The following GLYCTK variants were observed in gnomAD, a reference collection of about 807,000 sequenced individuals.
GLYCTK encodes HBeAg binding protein 4.
A neutral mutation model predicts 24.8 loss-of-function variants in GLYCTK; 22 were observed. That is an observed-to-expected ratio of 0.89 (90% CI 0.63 to 1.27). The LOEUF is 1.27. Ranked by LOEUF, GLYCTK falls within the 50% of genes most tolerant of loss-of-function variation. The probability of loss-of-function intolerance (pLI) is 0.00; values close to 1 mark genes in which losing one functional copy is unlikely to be tolerated. For missense variants in GLYCTK, 684 were observed against 686.7 expected, an observed-to-expected ratio of 1.00 and a Z score of 0.04; for synonymous variants, 320 against 297.2, an observed-to-expected ratio of 1.08 and a Z score of -0.79.
chr3:52,291,950 CT>C, intron 4 of GLYCTK, 28 bp downstream of exon 4: 1 of 1,604,278 alleles, frequency 6.2e-7, no homozygotes, highest in African/African-American at 1.3e-5. Context: ...CCCAGGCAAC[CT>C]TGGGTTGGTG....
Position 52,293,770 on chromosome 3 carries a change from C to T in GLYCTK, c.*644C>T, listed in dbSNP as rs1247055527. The stretch of plus-strand genomic sequence containing the variant: ...CAGCCACCCACCCACCCAACCATGA[C>T]TCCACCATGGCACTGTCACCATGGC... On this transcript the variant is annotated 3_prime_UTR_variant, in exon 5 of 5. Transcript: ENST00000436784. The T allele has an allele frequency of 2.2e-6, 1 of 453,568 alleles. No individual in the cohort carries two copies. The highest frequency in any genetic ancestry group is 2.0e-5 in the African/African-American group (1 of 50,018). The allele number at this position is 453,568 out of a possible 1,614,324, so 28.1% of individuals were successfully genotyped here. A position where few individuals can be genotyped will look rare whatever the true frequency, so the allele number is the denominator to read the frequency against.
intron 3 of GLYCTK, chr3:52,291,511 G>T: frequency 1.7e-6 from 1 of 590,378 alleles, no homozygotes; most frequent in South Asian, 2.1e-5. Flanking sequence ...TCCTGTTCTA[G>T]TCTCTTAAGG....
In GLYCTK at chr3:52,292,496, G is replaced by A; in HGVS notation, c.942G>A (p.Leu314=). ...VLNVIIGSNV[L]ALAEAQRQAE... is the part of the protein sequence containing the mutation. ...ATGTGATCATTGGCTCTAATGTGCT[G>A]GCGCTAGCTGAGGCCCAGCGGCAGG... The change falls in exon 5 of 5, where the codon CTG becomes CTA. Residue 314 remains leucine, a synonymous_variant. Transcript: ENST00000436784. 6.2e-7 allele frequency: 1 copy of A among 1,613,588 alleles called. No homozygotes were observed. The highest frequency in any genetic ancestry group is 8.5e-7 in the Non-Finnish European group (1 of 1,179,954).
At chr3:52,291,969 GC>G in intron 4 of GLYCTK, 47 bp downstream of exon 4, 1 of 1,552,850 alleles carries the variant, frequency 6.4e-7, no homozygotes, top group Non-Finnish European at 8.8e-7. Flanking sequence ...GTGGAGCCAG[GC>G]CCACATGTGC....
chr3:52,293,339 C>G lies in GLYCTK; in HGVS notation c.*213C>G. 1.4e-6 allele frequency: 1 copy of G among 705,470 alleles called. No homozygotes were observed. Among genetic ancestry groups the G allele is most frequent in the Non-Finnish European group, 2.6e-6 (1 of 389,424 alleles). The allele number at this position is 705,470 out of a possible 1,614,324, so 43.7% of individuals were successfully genotyped here. On this transcript the variant is annotated 3_prime_UTR_variant, in exon 5 of 5. Coordinates refer to ENST00000436784, the MANE Select transcript of GLYCTK (RefSeq NM_145262.4). ...GGCAGATGGGGGCTTCCCCCTACCC[C>G]TGAGGATGAGGACAAGCCCCTCGGC...
rs141134787 is a variant in GLYCTK, at chr3:52,291,841, C to A, written c.624C>A (p.Thr208=). 5.8e-5 allele frequency: 93 copies of A among 1,613,826 alleles called. No individual in the cohort carries two copies. The highest frequency in any genetic ancestry group is 2.0e-4 in the Admixed American group (12 of 60,008). ...LTRLLAARGA[T]IQELNTIRKA... ...GACTGCTGGCAGCCCGTGGAGCCAC[C>A]ATCCAGGAGTTGAACACCATTCGGA... The change falls in exon 4 of 5, where the codon ACC becomes ACA. Residue 208 remains threonine (T), a synonymous_variant. Coordinates refer to ENST00000436784, the MANE Select transcript of GLYCTK (RefSeq NM_145262.4).
In GLYCTK at chr3:52,292,412, T is replaced by A; in HGVS notation, c.858T>A (p.Thr286=). The part of the protein sequence containing the change: ...LRAALPRSVK[T]VLSRADSDPH... ...CAGCCCTGCCACGTTCTGTGAAGAC[T>A]GTGCTGTCTCGGGCCGACTCTGACC... The change falls in exon 5 of 5, where the codon ACT becomes ACA. Residue 286 remains threonine (T), a synonymous_variant. Coordinates refer to ENST00000436784, the MANE Select transcript of GLYCTK (RefSeq NM_145262.4). 1 of 1,613,778 alleles carries A rather than the reference T, an allele frequency of 6.2e-7. No individual in the cohort carries two copies. Among genetic ancestry groups the A allele is most frequent in the Non-Finnish European group, 8.5e-7 (1 of 1,179,968 alleles).
Position 52,292,488 on chromosome 3 carries a change from A to G in GLYCTK, c.934A>G (p.Asn312Asp). Residue 312 changes from asparagine (N) to aspartate (D), a missense_variant, in exon 5 of 5, where the codon AAT becomes GAT. Asn to Asp is a conservative substitution (Grantham distance 23). Coordinates refer to ENST00000436784, the MANE Select transcript of GLYCTK (RefSeq NM_145262.4). The part of the protein sequence containing the change: ...GHVLNVIIGS[N>D]VLALAEAQRQ... The stretch of plus-strand genomic sequence containing the variant: ...TGTCCTGAATGTGATCATTGGCTCT[A>G]ATGTGCTGGCGCTAGCTGAGGCCCA... 3 of 1,613,388 alleles carry G rather than the reference A, an allele frequency of 1.9e-6. No homozygotes were observed. The highest frequency in any genetic ancestry group is 1.1e-5 in the South Asian group (1 of 91,064).
rs778046705 is a variant in GLYCTK at position 52,295,137 on chromosome 3, C to G, written c.*2011C>G. Reference sequence around the variant, plus strand: ...CGTTAGATTTGCTCACTGGATACCCCAGAGATAAGAAAGGATGTATTTGGC... The same window carrying G: ...CGTTAGATTTGCTCACTGGATACCCGAGAGATAAGAAAGGATGTATTTGGC... On this transcript the variant is annotated 3_prime_UTR_variant, in exon 5 of 5. Coordinates refer to ENST00000436784, the MANE Select transcript of GLYCTK (RefSeq NM_145262.4). The G allele has an allele frequency of 2.2e-6, 1 of 454,094 alleles. No individual in the cohort carries two copies. Among genetic ancestry groups the G allele is most frequent in the South Asian group, 1.6e-5 (1 of 64,478 alleles). 28.1% of individuals were successfully genotyped at this position (454,094 alleles called of 1,614,324 possible).
rs1460560663 is a variant in GLYCTK, at chr3:52,290,432, C to A, written c.90C>A (p.Ser30Arg). The change falls in exon 2 of 5, where the codon AGC becomes AGA. Residue 30 changes from serine (S) to arginine (R), a missense_variant. Transcript: ENST00000436784. ...LWRGSVARLA[S>R]SMALAEQARQ... Reference sequence around the variant, plus strand: ...GGGGCTCAGTGGCCCGTCTGGCCAGCAGCATGGCCTTGGCAGAGCAGGCCA... The same window carrying A: ...GGGGCTCAGTGGCCCGTCTGGCCAGAAGCATGGCCTTGGCAGAGCAGGCCA... 6.2e-7 allele frequency: 1 copy of A among 1,611,708 alleles called. No individual in the cohort carries two copies. The highest frequency in any genetic ancestry group is 8.5e-7 in the Non-Finnish European group (1 of 1,179,998).
intron 1 of GLYCTK, chr3:52,290,065 C>T (rs1434636224): frequency 7.6e-6 from 4 of 528,746 alleles, no homozygotes; most frequent in Non-Finnish European, 1.3e-5. Flanking sequence ...GCAGAGTATC[C>T]AGAGGGCCGG....
chr3:52,290,041 A>C, intron 1 of GLYCTK: 1 of 478,504 alleles, frequency 2.1e-6, no homozygotes, highest in Non-Finnish European at 3.7e-6. Flanking sequence ...GCTAATAGGA[A>C]CTTTGGACTT....
intron 1 of GLYCTK, chr3:52,289,181 C>T (rs542360425): frequency 6.6e-6 from 1 of 152,344 alleles, no homozygotes; most frequent in South Asian, 2.1e-4. Flanking sequence ...GCCTCCTTAC[C>T]CTGCTCAGTC....
At position 52,290,553 on chromosome 3, in the gene GLYCTK, C is replaced by G; in HGVS notation, c.211C>G (p.Arg71Gly). Residue 71 changes from arginine (R) to glycine (G), a missense_variant, in exon 2 of 5, where the codon CGG becomes GGG. Transcript: ENST00000436784. ...CCCTGGTGGCAGACAGCTGAAGGTG[C>G]GGGACCGGAACTTTCAGCTGAGGCA... is the stretch of plus-strand genomic sequence containing the variant. ...LDPGGRQLKVRDRNFQLRQNL... is the reference protein window; with the variant it reads ...LDPGGRQLKVGDRNFQLRQNL... 1.9e-6 allele frequency: 3 copies of G among 1,613,694 alleles called. No individual in the cohort carries two copies. The highest frequency in any genetic ancestry group is 2.5e-6 in the Non-Finnish European group (3 of 1,180,020).
At position 52,293,515 on chromosome 3, in the gene GLYCTK, G is replaced by A. The variant is rs543900764; in HGVS notation, c.*389G>A. 1.5e-5 allele frequency: 7 copies of A among 470,664 alleles called. No homozygotes were observed. The highest frequency in any genetic ancestry group is 1.2e-4 in the African/African-American group (6 of 50,856). 29.2% of individuals were successfully genotyped at this position (470,664 alleles called of 1,614,324 possible). On this transcript the variant is annotated 3_prime_UTR_variant, in exon 5 of 5. Coordinates refer to ENST00000436784, the MANE Select transcript of GLYCTK (RefSeq NM_145262.4). ...TCCCTCAGAGTGAGGCCTCACGGGG[G>A]AGCCGCTGGGAGGGGAGCGTGGTAC...
In GLYCTK at chr3:52,292,615, T is replaced by C. The variant is rs765250949; in HGVS notation, c.1061T>C (p.Val354Ala). 1 of 1,612,826 alleles carries C rather than the reference T, an allele frequency of 6.2e-7. No individual in the cohort carries two copies. Among genetic ancestry groups the C allele is most frequent in the Non-Finnish European group, 8.5e-7 (1 of 1,179,224 alleles). Residue 354 changes from valine to alanine, a missense_variant, in exon 5 of 5, where the codon GTG becomes GCG. Coordinates refer to ENST00000436784, the MANE Select transcript of GLYCTK (RefSeq NM_145262.4). ...CAGTTCTACGGGCTGCTGGCCCATG[T>C]GGCTAGAACCCGCCTCACCCCATCC... ...MAQFYGLLAH[V>A]ARTRLTPSMA...
chr3:52,293,027 C>G lies in GLYCTK; in HGVS notation c.1473C>G (p.Thr491=). 6.2e-7 allele frequency: 1 copy of G among 1,614,036 alleles called. No individual in the cohort carries two copies. The highest frequency in any genetic ancestry group is 1.3e-5 in the African/African-American group (1 of 75,052). Residue 491 remains threonine (T), a synonymous_variant, in exon 5 of 5, where the codon ACC becomes ACG. Coordinates refer to ENST00000436784, the MANE Select transcript of GLYCTK (RefSeq NM_145262.4). ...TCCTAGCCCACAATGACTCACATAC[C>G]TTCTTCTGCTGCCTCCAGGGTGGGG... ...ATFLAHNDSH[T]FFCCLQGGAH...
rs765754153 is a variant in GLYCTK at position 52,293,018 on chromosome 3, C to T, written c.1464C>T (p.Asp488=). 5.0e-6 allele frequency: 8 copies of T among 1,614,224 alleles called. No homozygotes were observed. In the South Asian group the frequency reaches 8.8e-5, roughly 18 times the overall value. Reference sequence around the variant, plus strand: ...TAGCCACCTTCCTAGCCCACAATGACTCACATACCTTCTTCTGCTGCCTCC... The same window carrying T: ...TAGCCACCTTCCTAGCCCACAATGATTCACATACCTTCTTCTGCTGCCTCC... ...LDIATFLAHN[D]SHTFFCCLQG... The change falls in exon 5 of 5, where the codon GAC becomes GAT. Residue 488 remains aspartate (D), a synonymous_variant. Coordinates refer to ENST00000436784, the MANE Select transcript of GLYCTK (RefSeq NM_145262.4).
intron 1 of GLYCTK, 95 bp from the exon 2 acceptor site, chr3:52,290,209 T>A: frequency 1.0e-6 from 1 of 965,510 alleles, no homozygotes; most frequent in Non-Finnish European, 1.5e-6. Flanking sequence ...GCAGCAGCTG[T>A]GGGGTCCACT....
Sources: gnomAD v4.1 joint callset for allele counts on GRCh38, gnomAD v4.1.1 for gene constraint, MANE v1.5 for transcripts, NCBI Gene and HGNC (gene_info 2026-07-23, HGNC 2026-07-21) for gene names.